The following EYS variants were observed in gnomAD, a reference collection of about 807,000 sequenced individuals.
EYS encodes EGF-like photoreceptor maintenance factor.
In EYS, 250 loss-of-function variants were observed where a neutral mutation model predicts 282.1. That is an observed-to-expected ratio of 0.89 (90% CI 0.80 to 0.98). EYS has a LOEUF of 0.98. EYS is among the 50% of genes least tolerant of loss of function. The pLI, the probability that EYS is intolerant of heterozygous loss-of-function variation, is 0.00. For synonymous variants in EYS, 1,355 were observed against 1,282.9 expected (o/e 1.06, Z -1.20); for missense variants, 4,016 against 3,709.0 (o/e 1.08, Z -2.15).
At chr6:64,794,636 G>A (rs1206201320) in intron 22 of EYS, among the ~76,000 whole-genome samples, 2 of 152,066 alleles carry the variant, frequency 1.3e-5, no homozygotes, top group Non-Finnish European at 2.9e-5. Context: ...CTTCATAGTA[G>A]TATGAGAATG....
chr6:65,672,875 G>A (rs1252717422), intron 1 of EYS, among the ~76,000 whole-genome samples: 1 of 152,066 alleles, frequency 6.6e-6, no homozygotes, highest in Non-Finnish European at 1.5e-5. Flanking sequence ...GTCAGTGAAG[G>A]GAGATGGGGT....
intron 34 of EYS, among the ~76,000 whole-genome samples, chr6:63,992,666 C>G (rs149990928): frequency 6.6e-6 from 1 of 151,608 alleles, no homozygotes; most frequent in East Asian, 1.9e-4. Flanking sequence ...AAAATGAAAT[C>G]AAGTTATGTC....
At chr6:65,061,141 C>T (rs1158988844) in intron 12 of EYS, among the ~76,000 whole-genome samples, 1 of 151,908 alleles carries the variant, frequency 6.6e-6, no homozygotes, top group East Asian at 1.9e-4. Context: ...CAATAGGCCA[C>T]ATTTAAGGTG....
chr6:63,845,938 G>A (rs1031801227), intron 36 of EYS, among the ~76,000 whole-genome samples: 1 of 152,112 alleles, frequency 6.6e-6, no homozygotes, highest in African/African-American at 2.4e-5. Flanking sequence ...TGCTCTACTG[G>A]TGTAAACTAA....
chr6:64,731,008 A>C (rs1235102627), intron 22 of EYS: 2 of 152,214 alleles, frequency 1.3e-5, no homozygotes, highest in Non-Finnish European at 2.9e-5. Flanking sequence ...AGAAAAGAAA[A>C]TCATAGATTT....
intron 22 of EYS, among the ~76,000 whole-genome samples, chr6:64,666,079 C>CTAAG (rs1309937712): frequency 6.6e-6 from 1 of 152,086 alleles, no homozygotes; most frequent in Non-Finnish European, 1.5e-5. Flanking sequence ...ACACTGAGGT[C>CTAAG]TAAGTGTGGA....
intron 22 of EYS, among the ~76,000 whole-genome samples, chr6:64,660,313 T>G (rs533549248): frequency 1.3e-5 from 2 of 152,094 alleles, no homozygotes; most frequent in Non-Finnish European, 2.9e-5. Context: ...AGCATTCCCT[T>G]TGAAAACTGG....
intron 33 of EYS, among the ~76,000 whole-genome samples, chr6:64,007,320 T>C (rs899310823): frequency 3.3e-5 from 5 of 152,094 alleles, no homozygotes; most frequent in African/African-American, 9.6e-5. Flanking sequence ...TTTTTGTTTT[T>C]CTGTGGGGTT....
chr6:64,593,227 A>G lies in EYS; in HGVS notation c.3767T>C (p.Ile1256Thr), dbSNP rs1444755564. 6.4e-6 allele frequency: 10 copies of G among 1,550,758 alleles called. No individual in the cohort carries two copies. The highest frequency in any genetic ancestry group is 8.7e-6 in the Non-Finnish European group (10 of 1,146,464). The change falls in exon 25 of 43, where the codon ATT becomes ACT. Residue 1256 changes from isoleucine to threonine, a missense_variant. Coordinates refer to ENST00000503581, the MANE Select transcript of EYS (RefSeq NM_001142800.2). Reference sequence around the variant, plus strand: ...GGGAATTGTATATGTCTGTGTGGAAATGGGATCTGTTCTTTGAAAGATGGG... The same window carrying G: ...GGGAATTGTATATGTCTGTGTGGAAGTGGGATCTGTTCTTTGAAAGATGGG... The part of the protein sequence containing the change: ...LTPIFQRTDP[I>T]STQTYTIPPS...
At chr6:64,492,641 C>T (rs1013618371) in intron 26 of EYS, among the ~76,000 whole-genome samples, 2 of 151,306 alleles carry the variant, frequency 1.3e-5, no homozygotes, top group East Asian at 3.9e-4. Flanking sequence ...ATACAAGATG[C>T]TGGGTGTGTG....
intron 15 of EYS, among the ~76,000 whole-genome samples, chr6:64,937,198 A>G (rs1768936831): frequency 1.3e-5 from 2 of 151,560 alleles, no homozygotes; most frequent in South Asian, 4.1e-4. Flanking sequence ...TAAAGTTTAT[A>G]GAAGAAAATA....
intron 12 of EYS, among the ~76,000 whole-genome samples, chr6:65,113,627 C>T (rs2150190572): frequency 6.6e-6 from 1 of 152,118 alleles, no homozygotes; most frequent in African/African-American, 2.4e-5. Context: ...TAACTTCTTT[C>T]TTCATGCCAT....
intron 29 of EYS, among the ~76,000 whole-genome samples, chr6:64,354,209 T>C (rs1479635161): frequency 6.6e-6 from 1 of 151,598 alleles, no homozygotes; most frequent in Non-Finnish European, 1.5e-5. Flanking sequence ...ATGTCAGATA[T>C]AAACAATTAC....
chr6:64,508,651 C>T (rs1315578813), intron 26 of EYS, among the ~76,000 whole-genome samples: 4 of 150,798 alleles, frequency 2.7e-5, no homozygotes, highest in African/African-American at 9.7e-5. Flanking sequence ...GGTTTTCAAT[C>T]TTGTTGGTCT....
chr6:64,482,979 C>G (rs1776481646), intron 26 of EYS, among the ~76,000 whole-genome samples: 1 of 151,616 alleles, frequency 6.6e-6, no homozygotes, highest in Non-Finnish European at 1.5e-5. Flanking sequence ...GATCACTGAA[C>G]TATTCTATCA....
intron 4 of EYS, among the ~76,000 whole-genome samples, chr6:65,490,986 A>C (rs762170129): frequency 5.9e-5 from 9 of 152,032 alleles, no homozygotes; most frequent in Non-Finnish European, 8.8e-5. Context: ...TAAAATTTTA[A>C]TTGTATTTTC....
At chr6:63,914,744 T>G (rs1764376712) in intron 35 of EYS, among the ~76,000 whole-genome samples, 3 of 150,064 alleles carry the variant, frequency 2.0e-5, no homozygotes, top group African/African-American at 4.9e-5. Context: ...GCAAAACAAC[T>G]CTATTGCTGA....
At chr6:64,598,096 C>T (rs575674545) in intron 24 of EYS, among the ~76,000 whole-genome samples, 1 of 152,116 alleles carries the variant, frequency 6.6e-6, no homozygotes, top group South Asian at 2.1e-4. Flanking sequence ...GAAAAATATC[C>T]ACAGCAAACA....
intron 24 of EYS, among the ~76,000 whole-genome samples, chr6:64,603,838 A>G (rs1269191455): frequency 2.0e-5 from 3 of 149,714 alleles, no homozygotes; most frequent in African/African-American, 7.4e-5. Context: ...TAGGCTGTGT[A>G]TACTACTAAA....
Sources: gnomAD v4.1 joint callset for allele counts (sites outside exome capture counted in the v4.1 genomes callset) on GRCh38, gnomAD v4.1.1 for gene constraint, MANE v1.5 for transcripts, NCBI Gene and HGNC (gene_info 2026-07-23, HGNC 2026-07-21) for gene names.